Variants in TMPRSS12 observed in about 807,000 individuals in gnomAD.
TMPRSS12 encodes the protein transmembrane protease serine 12.
In TMPRSS12, 25 loss-of-function variants were observed where a neutral mutation model predicts 26.0. The ratio of observed to expected loss-of-function variants is 0.96; its 90% CI spans 0.70 to 1.34. TMPRSS12 has a LOEUF of 1.34. Ranked by LOEUF, TMPRSS12 falls within the 40% of genes most tolerant of loss-of-function variation. TMPRSS12 has a pLI of 0.00. For synonymous variants in TMPRSS12, 150 were observed against 161.7 expected (o/e 0.93, Z 0.55); for missense variants, 441 against 440.1 (o/e 1.00, Z -0.02).
At chr12:50,872,519 CAAAAAAAAAAA>C (rs778372099) in intron 3 of TMPRSS12, among the ~76,000 whole-genome samples, 5 of 39,814 alleles carry the variant, frequency 1.3e-4, no homozygotes, top group African/African-American at 4.6e-4. Flanking sequence ...GACTCCGTCT[CAAAAAAAAAAA>C]AAAAAAAAAA....
intron 2 of TMPRSS12, among the ~76,000 whole-genome samples, chr12:50,853,861 T>C (rs1382112367): frequency 6.6e-6 from 1 of 152,066 alleles, no homozygotes; most frequent in Non-Finnish European, 1.5e-5. Flanking sequence ...GAAAAAGTCC[T>C]GGACCAGAAG....
rs796594685 is a variant in TMPRSS12, at chr12:50,884,880, A to AT, written c.653-366_653-365insT. Among the ~76,000 whole-genome samples, 256 of 145,530 alleles carry AT rather than the reference A, an allele frequency of 1.8e-3. 5 individuals are homozygous for AT. The highest frequency in any genetic ancestry group is 6.0e-3 in the African/African-American group (242 of 40,070). The stretch of plus-strand genomic sequence containing the variant: ...GAGTGAGACGCCATCTCAAAAATTA[A>AT]AAAAAAAAAAAAAATTAGCCAGGTG... On this transcript the variant is annotated intron_variant, in intron 3 of 4. Coordinates refer to ENST00000398458, the MANE Select transcript of TMPRSS12 (RefSeq NM_182559.3).
At chr12:50,872,850 GTACATATATATGAC>G (rs1938075620) in intron 3 of TMPRSS12, among the ~76,000 whole-genome samples, 1 of 84,556 alleles carries the variant, frequency 1.2e-5, no homozygotes, top group African/African-American at 3.7e-5. Context: ...GTCTATATAT[GTACATATATATGAC>G]TATATATGTA....
chr12:50,865,770 T>C (rs1440656706), intron 3 of TMPRSS12, among the ~76,000 whole-genome samples: 1 of 151,484 alleles, frequency 6.6e-6, no homozygotes, highest in Non-Finnish European at 1.5e-5. Flanking sequence ...GAATTACAGA[T>C]TAGTTTTCAG....
chr12:50,861,945 G>A (rs1435553719), intron 3 of TMPRSS12, among the ~76,000 whole-genome samples: 1 of 152,048 alleles, frequency 6.6e-6, no homozygotes, highest in Non-Finnish European at 1.5e-5. Context: ...CAGTAGCTGG[G>A]ACTACGGGCA....
In TMPRSS12 at chr12:50,843,817, AATAAT is replaced by A; in HGVS notation, c.188-21_188-17del. 4 of 1,548,172 alleles carry A rather than the reference AATAAT, an allele frequency of 2.6e-6. No individual in the cohort carries two copies. Among genetic ancestry groups the A allele is most frequent in the Non-Finnish European group, 2.6e-6 (3 of 1,145,972 alleles). On this transcript the variant is annotated intron_variant, in intron 1 of 4. Transcript: ENST00000398458. ...ACACATACTATAGATGCTCAGTCCA[AATAAT>A]ATATCATTTTTATTTTTAGATTGTG...
At chr12:50,853,005 C>T (rs1393717893) in intron 2 of TMPRSS12, among the ~76,000 whole-genome samples, 1 of 152,154 alleles carries the variant, frequency 6.6e-6, no homozygotes, top group Non-Finnish European at 1.5e-5. Flanking sequence ...AGACACTCCA[C>T]CCAAAAACAA....
At chr12:50,856,950 A>G (rs1294844657) in intron 2 of TMPRSS12, among the ~76,000 whole-genome samples, 3 of 152,160 alleles carry the variant, frequency 2.0e-5, no homozygotes. Context: ...TCGGCCTCCC[A>G]AAGTGTTGGG....
At position 50,876,759 on chromosome 12, in the gene TMPRSS12, G is replaced by A. The variant is rs1228827559; in HGVS notation, c.653-8487G>A. Among the ~76,000 whole-genome samples the A allele has an allele frequency of 4.3e-5, 6 of 138,814 alleles. No individual in the cohort carries two copies. The East Asian group carries it at 1.1e-3, about 26-fold the overall frequency. 91.1% of individuals were successfully genotyped at this position (138,814 alleles called of 152,430 possible). ...GCGGAGCTTCCAAGGAGCAGAGATC[G>A]TGCCACTGCACTCCAGCCTGGGTGA... On this transcript the variant is annotated intron_variant, in intron 3 of 4. Transcript: ENST00000398458.
chr12:50,855,718 G>A (rs892897253), intron 2 of TMPRSS12, among the ~76,000 whole-genome samples: 30 of 152,190 alleles, frequency 2.0e-4, no homozygotes, highest in African/African-American at 7.2e-4. Context: ...TACACCTAAA[G>A]AAATATAAAT....
chr12:50,846,052 C>T (rs930744750), intron 2 of TMPRSS12, among the ~76,000 whole-genome samples: 1 of 152,122 alleles, frequency 6.6e-6, no homozygotes, highest in African/African-American at 2.4e-5. Context: ...TTGTCAGACA[C>T]ATTATTTGCA....
At chr12:50,872,838 ACGT>A (rs1284453799) in intron 3 of TMPRSS12, among the ~76,000 whole-genome samples, 2 of 63,936 alleles carry the variant, frequency 3.1e-5, no homozygotes, top group African/African-American at 7.8e-5. Context: ...CATATATATG[ACGT>A]CTATATATGT....
chr12:50,878,506 A>C (rs1052521212), intron 3 of TMPRSS12, among the ~76,000 whole-genome samples: 4 of 152,294 alleles, frequency 2.6e-5, no homozygotes, highest in Admixed American at 2.6e-4. Context: ...TGAGCTCAAG[A>C]GTTTGAGGCT....
chr12:50,878,659 A>G (rs1287840180), intron 3 of TMPRSS12, among the ~76,000 whole-genome samples: 1 of 152,212 alleles, frequency 6.6e-6, no homozygotes, highest in Non-Finnish European at 1.5e-5. Context: ...CCTTATATTT[A>G]TGGCCAGTTG....
chr12:50,864,590 T>TA (rs1051087534), intron 3 of TMPRSS12, among the ~76,000 whole-genome samples: 2 of 152,100 alleles, frequency 1.3e-5, no homozygotes, highest in African/African-American at 4.8e-5. Flanking sequence ...AGGTATAGAA[T>TA]AAAAAAATAT....
chr12:50,887,146 T>C lies in TMPRSS12; in HGVS notation c.796-116T>C, dbSNP rs565661510. 163 of 1,048,428 alleles carry C rather than the reference T, an allele frequency of 1.6e-4. 2 individuals are homozygous for C. In the South Asian group the frequency reaches 3.0e-3, roughly 19 times the overall value. The allele number at this position is 1,048,428 out of a possible 1,614,324, so 64.9% of individuals were successfully genotyped here. A position where few individuals can be genotyped will look rare whatever the true frequency, so the allele number is the denominator to read the frequency against. ...TAGTGATCTTTATAAATTGGGGGTATATTGAAAATGTGTATTTATATAAAT... is the reference window on the plus strand; with the variant it reads ...TAGTGATCTTTATAAATTGGGGGTACATTGAAAATGTGTATTTATATAAAT... On this transcript the variant is annotated intron_variant, in intron 4 of 4. Coordinates refer to ENST00000398458, the MANE Select transcript of TMPRSS12 (RefSeq NM_182559.3).
chr12:50,847,529 A>C (rs1937782731), intron 2 of TMPRSS12, among the ~76,000 whole-genome samples: 1 of 151,858 alleles, frequency 6.6e-6, no homozygotes, highest in South Asian at 2.1e-4. Context: ...CCTAGGCTGG[A>C]GTGCTACAAG....
intron 2 of TMPRSS12, among the ~76,000 whole-genome samples, chr12:50,857,990 G>A (rs922494381): frequency 6.6e-6 from 1 of 151,926 alleles, no homozygotes; most frequent in Non-Finnish European, 1.5e-5. Flanking sequence ...CATCACGCCC[G>A]GCTAATTTTT....
At chr12:50,863,735 A>T (rs1937960720) in intron 3 of TMPRSS12, among the ~76,000 whole-genome samples, 1 of 152,154 alleles carries the variant, frequency 6.6e-6, no homozygotes, top group Non-Finnish European at 1.5e-5. Flanking sequence ...CAGAGAATAG[A>T]TTAGTAGTTG....
Sources: allele counts gnomAD v4.1 joint callset (sites outside exome capture counted in the v4.1 genomes callset), GRCh38; gene constraint gnomAD v4.1.1; transcripts MANE v1.5; gene names NCBI Gene and HGNC (gene_info 2026-07-23, HGNC 2026-07-21).